The following SVOPL variants were observed in gnomAD, a reference collection of about 807,000 sequenced individuals.
SVOPL encodes the protein putative transporter SVOPL.
SVOPL carries 60 observed loss-of-function variants against 61.0 expected under a neutral mutation model. That is an observed-to-expected ratio of 0.98 (90% confidence interval 0.80 to 1.22). The LOEUF is 1.22. Ranked by LOEUF, SVOPL falls within the 50% of genes most tolerant of loss-of-function variation. The probability of loss-of-function intolerance (pLI) is 0.00; values close to 1 mark genes in which losing one functional copy is unlikely to be tolerated. For missense variants in SVOPL, 662 were observed against 643.9 expected, an observed-to-expected ratio of 1.03 and a Z score of -0.30; for synonymous variants, 279 against 250.0, an observed-to-expected ratio of 1.12 and a Z score of -1.09.
Position 138,666,509 on chromosome 7 carries a change from G to C in SVOPL, c.274-3364C>G, listed in dbSNP as rs373816473. Among the ~76,000 whole-genome samples, 40 of 152,274 alleles carry C rather than the reference G, an allele frequency of 2.6e-4. 1 individual carries two copies. Among genetic ancestry groups the C allele is most frequent in the African/African-American group, 7.0e-4 (29 of 41,552 alleles). On this transcript the variant is annotated intron_variant, in intron 4 of 15. Transcript: ENST00000674285. ...AAACAAACGTTATCTCCAGGTCAAGGGTTCAGGGTCTGGCAGACATGGCAG... is the reference window on the plus strand; with the variant it reads ...AAACAAACGTTATCTCCAGGTCAAGCGTTCAGGGTCTGGCAGACATGGCAG...
Position 138,617,020 on chromosome 7 carries a change from G to A in SVOPL, c.1353+4026C>T, listed in dbSNP as rs1027166342. ...GTCTCGCTTTGTCATCCAGGCTGCC[G>A]TGCAGTGGCACAATCTTGGCTCAGT... On this transcript the variant is annotated intron_variant, in intron 14 of 15. Transcript: ENST00000674285. 4.7e-4 allele frequency among the ~76,000 whole-genome samples: 71 copies of A among 152,132 alleles called. 1 individual carries two copies. Among genetic ancestry groups the A allele is most frequent in the South Asian group, 2.1e-4 (1 of 4,824 alleles).
chr7:138,628,184 A>G lies in SVOPL; in HGVS notation c.1043T>C (p.Ile348Thr), dbSNP rs115370559. ...AGCAATTTCACCGATGGTGCTGATG[A>G]TCATGGTCCGATAGTCAGAGGGTGC... Reference protein sequence around the residue: ...MFAPSDYRTMIISTIGEIALN... With the variant: ...MFAPSDYRTMTISTIGEIALN... Residue 348 changes from isoleucine (I) to threonine (T), a missense_variant, in exon 11 of 16, where the codon ATC (isoleucine) becomes ACC (threonine). By Grantham distance (89) the Ile-to-Thr change is moderately conservative. Transcript: ENST00000674285. The G allele has an allele frequency of 6.2e-4, 1,003 of 1,614,178 alleles. 8 individuals carry two copies. The African/African-American group carries it at 0.012, about 20-fold the overall frequency.
chr7:138,642,983 T>C (rs1800902247), intron 9 of SVOPL, among the ~76,000 whole-genome samples: 1 of 152,130 alleles, frequency 6.6e-6, no homozygotes, highest in South Asian at 2.1e-4. Flanking sequence ...CAGGATGTAG[T>C]GAAACTGGAT....
chr7:138,667,412 A>G (rs1242379985), intron 4 of SVOPL, among the ~76,000 whole-genome samples: 4 of 152,324 alleles, frequency 2.6e-5, no homozygotes, highest in African/African-American at 9.6e-5. Context: ...TTTCACACTG[A>G]TAATGTTGAT....
At chr7:138,660,340 G>C (rs147953098) in intron 5 of SVOPL, 2 of 1,015,868 alleles carry the variant, frequency 2.0e-6, no homozygotes, top group African/African-American at 3.4e-5. Context: ...GGAGTACAAG[G>C]AGAACATTTA....
intron 7 of SVOPL, among the ~76,000 whole-genome samples, chr7:138,654,801 T>TCAACATAGTGAGACCACATCTCCACA (rs1418560028): frequency 3.3e-5 from 5 of 151,242 alleles, no homozygotes; most frequent in African/African-American, 9.7e-5. Context: ...AAAAGCATGG[T>TCAACATAGTGAGACCACATCTCCACA]CAACATAGTG....
At position 138,594,596 on chromosome 7, in the gene SVOPL, A is replaced by G; in HGVS notation, c.*14T>C. 2 of 1,594,744 alleles carry G rather than the reference A, an allele frequency of 1.3e-6. No homozygotes were observed. Among genetic ancestry groups the G allele is most frequent in the Middle Eastern group, 1.7e-4 (1 of 5,994 alleles). On this transcript the variant is annotated 3_prime_UTR_variant, in exon 16 of 16. Coordinates refer to ENST00000674285, the MANE Select transcript of SVOPL (RefSeq NM_001139456.2). Reference sequence around the variant, plus strand: ...TTCATTTTTCTCATCTGGTAGACATAGCTTTGCAGGTCTTCATTTAATTTG... The same window carrying G: ...TTCATTTTTCTCATCTGGTAGACATGGCTTTGCAGGTCTTCATTTAATTTG...
chr7:138,657,515 G>A (rs922936684), intron 6 of SVOPL, among the ~76,000 whole-genome samples: 21 of 152,144 alleles, frequency 1.4e-4, no homozygotes, highest in Non-Finnish European at 2.4e-4. Flanking sequence ...CTCAATTCAT[G>A]AGGACAGTCA....
At chr7:138,679,591 G>A (rs1802656824) in intron 1 of SVOPL, among the ~76,000 whole-genome samples, 1 of 152,040 alleles carries the variant, frequency 6.6e-6, no homozygotes, top group Non-Finnish European at 1.5e-5. Context: ...TACTTTTTAG[G>A]TATGTGGCTT....
intron 14 of SVOPL, among the ~76,000 whole-genome samples, chr7:138,603,616 G>C (rs993309267): frequency 6.6e-6 from 1 of 152,188 alleles, no homozygotes; most frequent in Non-Finnish European, 1.5e-5. Flanking sequence ...AGGTTGCAGT[G>C]AGCGGAGATT....
At chr7:138,663,640 G>T (rs534101661) in intron 4 of SVOPL, 2 of 973,360 alleles carry the variant, frequency 2.1e-6, no homozygotes, top group African/African-American at 1.8e-5. Flanking sequence ...TTCCTTACTC[G>T]TTCTCACAAT....
rs76519114 is a variant in SVOPL, at chr7:138,660,545, T to C, written c.346-557A>G. On this transcript the variant is annotated intron_variant, in intron 5 of 15. Transcript: ENST00000674285. ...GGCTATAAATGTTCCAGTGGAAAGA[T>C]GTACTTTCATACATGTAATATAATA... The C allele has an allele frequency of 1.3e-4, 124 of 986,010 alleles. 3 individuals carry two copies. The East Asian group carries it at 0.01, about 82-fold the overall frequency. 61.1% of individuals were successfully genotyped at this position (986,010 alleles called of 1,614,324 possible). A position where few individuals can be genotyped will look rare whatever the true frequency, so the allele number is the denominator to read the frequency against.
chr7:138,678,486 A>T lies in SVOPL; in HGVS notation c.122T>A (p.Ile41Asn). 2 of 1,552,166 alleles carry T rather than the reference A, an allele frequency of 1.3e-6. No individual in the cohort carries two copies. The highest frequency in any genetic ancestry group is 1.7e-4 in the Middle Eastern group (1 of 5,996). ...TFTVEDAVET[I>N]GFGRFHIALF... ...GGCAATGTGGAAACGCCCGAAGCCG[A>T]TAGTCTCCACTGCATCTTCCACGGT... is the stretch of plus-strand genomic sequence containing the variant. The change falls in exon 3 of 16, where the codon ATC (isoleucine) becomes AAC (asparagine). Residue 41 changes from isoleucine (I) to asparagine (N), a missense_variant. Transcript: ENST00000674285.
At position 138,650,105 on chromosome 7, in the gene SVOPL, C is replaced by T. The variant is rs1380913519; in HGVS notation, c.535-968G>A. On this transcript the variant is annotated intron_variant, in intron 7 of 15. Coordinates refer to ENST00000674285, the MANE Select transcript of SVOPL (RefSeq NM_001139456.2). ...TTGGCCTCCCAAAGTGCTGGGATTA[C>T]AGGCGCGAGCCACTGCATCCAGCAA... is the stretch of plus-strand genomic sequence containing the variant. Among the ~76,000 whole-genome samples, 3 of 152,210 alleles carry T rather than the reference C, an allele frequency of 2.0e-5. No individual in the cohort carries two copies. The East Asian group carries it at 5.8e-4, about 29-fold the overall frequency.
chr7:138,634,389 T>C (rs558974343), intron 9 of SVOPL, among the ~76,000 whole-genome samples: 1 of 152,008 alleles, frequency 6.6e-6, no homozygotes, highest in East Asian at 1.9e-4. Flanking sequence ...ACGCCTGTAA[T>C]TCCAGCACTT....
chr7:138,643,453 C>T (rs894517938), intron 9 of SVOPL, among the ~76,000 whole-genome samples: 4 of 150,092 alleles, frequency 2.7e-5, no homozygotes, highest in African/African-American at 9.9e-5. Context: ...GAAAGTGAGG[C>T]CTTGAAGAGC....
At chr7:138,645,549 G>T in intron 8 of SVOPL, 1 of 152,828 alleles carries the variant, frequency 6.5e-6, no homozygotes, top group Non-Finnish European at 1.5e-5. Context: ...CTCATGCCCA[G>T]CCTCCACAGC....
intron 1 of SVOPL, among the ~76,000 whole-genome samples, chr7:138,697,615 A>G (rs1803093821): frequency 7.6e-6 from 1 of 132,280 alleles, no homozygotes. Flanking sequence ...CTGCCTCAAA[A>G]AAAAAAAAAA....
intron 11 of SVOPL, 104 bp downstream of exon 11, chr7:138,628,054 G>T: frequency 1.5e-6 from 2 of 1,331,534 alleles, no homozygotes; most frequent in South Asian, 1.3e-5. Context: ...ATTCAGTTCT[G>T]CTAGGCAGGA....
Sources: gnomAD v4.1 joint callset for allele counts (sites outside exome capture counted in the v4.1 genomes callset) on GRCh38, gnomAD v4.1.1 for gene constraint, MANE v1.5 for transcripts, NCBI Gene and HGNC (gene_info 2026-07-23, HGNC 2026-07-21) for gene names.